The following DCBLD1 variants were observed in gnomAD, a reference collection of about 807,000 sequenced individuals.
The protein encoded by DCBLD1 is discoidin, CUB and LCCL domain-containing protein 1.
DCBLD1 carries 57 observed loss-of-function variants against 71.5 expected under a neutral mutation model. The ratio of observed to expected loss-of-function variants is 0.80; its 90% CI spans 0.64 to 0.99. The LOEUF (loss-of-function observed/expected upper bound fraction) is 0.99, where lower values mean the gene tolerates loss of function less well. DCBLD1 is among the 50% of genes least tolerant of loss of function. The pLI is 0.00. For synonymous variants in DCBLD1, 380 were observed against 363.8 expected, an observed-to-expected ratio of 1.04 and a Z score of -0.51; for missense variants, 891 against 923.5, an observed-to-expected ratio of 0.96 and a Z score of 0.46.
At chr6:117,563,384 C>G in intron 14 of DCBLD1, 1 of 1,612,062 alleles carries the variant, frequency 6.2e-7, no homozygotes, top group Non-Finnish European at 8.5e-7. Context: ...CTTATTAAAT[C>G]CTGAAAGAAA....
chr6:117,547,781 G>C (rs1779318150), intron 14 of DCBLD1, 126 bp from the exon 15 acceptor site: 1 of 1,540,916 alleles, frequency 6.5e-7, no homozygotes, highest in South Asian at 1.2e-5. Flanking sequence ...CGCAGTGCCT[G>C]GGACACCTGA....
At chr6:117,560,150 A>G (rs528659076) in intron 14 of DCBLD1, 41 of 157,308 alleles carry the variant, frequency 2.6e-4, no homozygotes, top group Middle Eastern at 3.0e-3. Flanking sequence ...TGTTTTCCTC[A>G]TAGATAACAA....
At position 117,557,624 on chromosome 6, in the gene DCBLD1, C is replaced by T. The variant is rs186777451; in HGVS notation, c.1616-11996C>T. Among the ~76,000 whole-genome samples the T allele has an allele frequency of 5.9e-4, 89 of 152,032 alleles. 1 individual carries two copies. In the South Asian group the frequency reaches 9.1e-3, roughly 16 times the overall value. The stretch of plus-strand genomic sequence containing the variant: ...ACTAAAAATACAAAAATTAGCCAGG[C>T]GTGGTGGCACGCACCTGTAATCCCA... On this transcript the variant is annotated intron_variant, in intron 14 of 14. Coordinates refer to the DCBLD1 transcript ENST00000296955.
intron 14 of DCBLD1, among the ~76,000 whole-genome samples, chr6:117,567,996 G>C (rs1303743767): frequency 2.9e-5 from 4 of 137,576 alleles, no homozygotes; most frequent in Non-Finnish European, 3.0e-5. Flanking sequence ...TTCTAGACCA[G>C]CCTGGGCAAC....
At chr6:117,516,418 T>C (rs776905313) in intron 2 of DCBLD1, among the ~76,000 whole-genome samples, 4 of 152,092 alleles carry the variant, frequency 2.6e-5, no homozygotes, top group Admixed American at 2.0e-4. Flanking sequence ...TGAGTGTTTC[T>C]AAAGAGGGAA....
At chr6:117,490,664 T>C (rs1777260303) in intron 1 of DCBLD1, among the ~76,000 whole-genome samples, 2 of 150,648 alleles carry the variant, frequency 1.3e-5, no homozygotes, top group African/African-American at 5.0e-5. Context: ...TCAGGCTTGT[T>C]CATTATTAGA....
chr6:117,504,273 A>G (rs942704970), intron 2 of DCBLD1, among the ~76,000 whole-genome samples: 1 of 152,224 alleles, frequency 6.6e-6, no homozygotes, highest in Non-Finnish European at 1.5e-5. Flanking sequence ...TATACAGTTC[A>G]TTATTCATTT....
intron 6 of DCBLD1, 136 bp downstream of exon 6, chr6:117,532,529 C>G (rs1778759827): frequency 1.8e-6 from 2 of 1,118,946 alleles, no homozygotes; most frequent in Non-Finnish European, 2.5e-6. Flanking sequence ...TGCATGAGTG[C>G]TTAGAGCAGC....
chr6:117,530,743 T>A lies in DCBLD1; in HGVS notation c.586-1517T>A, dbSNP rs1778689503. 3.3e-5 allele frequency among the ~76,000 whole-genome samples: 5 copies of A among 152,232 alleles called. No individual in the cohort carries two copies. In the South Asian group the frequency reaches 1.0e-3, roughly 32 times the overall value. Reference sequence around the variant, plus strand: ...TTTCCTCTTCAACTGGCTCCTCTGTTTTGTTTGGACCCAGGAGTCCAAACT... The same window carrying A: ...TTTCCTCTTCAACTGGCTCCTCTGTATTGTTTGGACCCAGGAGTCCAAACT... On this transcript the variant is annotated intron_variant, in intron 5 of 14. Coordinates refer to ENST00000338728, the MANE Select transcript of DCBLD1 (RefSeq NM_001366458.2).
At chr6:117,550,612 G>C (rs1176874527), downstream of DCBLD1, among the ~76,000 whole-genome samples, 1 of 152,174 alleles carries the variant, frequency 6.6e-6, no homozygotes, top group Non-Finnish European at 1.5e-5. Flanking sequence ...AACGTTTACA[G>C]TCAGCCTAGA....
intron 2 of DCBLD1, among the ~76,000 whole-genome samples, chr6:117,512,879 A>T (rs1433616507): frequency 6.7e-6 from 1 of 149,514 alleles, no homozygotes; most frequent in Non-Finnish European, 1.5e-5. Context: ...TATGGTAGTT[A>T]AAAAAAAAAT....
chr6:117,565,074 T>C lies in DCBLD1; in HGVS notation c.1616-4546T>C, dbSNP rs1377590299. 2.0e-5 allele frequency among the ~76,000 whole-genome samples: 3 copies of C among 151,714 alleles called. No individual in the cohort carries two copies. The East Asian group carries it at 5.8e-4, about 29-fold the overall frequency. ...TATTAGTAGGTAAAATTGAAAAATCTAAAAAAAAATTCATTTCTTTGTTAA... is the reference window on the plus strand; with the variant it reads ...TATTAGTAGGTAAAATTGAAAAATCCAAAAAAAAATTCATTTCTTTGTTAA... On this transcript the variant is annotated intron_variant, in intron 14 of 14. Transcript: ENST00000296955.
intron 4 of DCBLD1, 63 bp downstream of exon 4, chr6:117,521,639 C>T (rs999857602): frequency 1.2e-5 from 17 of 1,371,070 alleles, no homozygotes; most frequent in South Asian, 6.6e-5. Flanking sequence ...TTTTCTTTCA[C>T]GTTAAACCAG....
At chr6:117,493,894 A>G (rs193300506) in intron 1 of DCBLD1, among the ~76,000 whole-genome samples, 4 of 152,306 alleles carry the variant, frequency 2.6e-5, no homozygotes, top group Admixed American at 2.6e-4. Flanking sequence ...GAGATGTCCT[A>G]TCTTATAAGC....
chr6:117,499,679 A>C (rs1490734864), intron 1 of DCBLD1, among the ~76,000 whole-genome samples: 1 of 152,304 alleles, frequency 6.6e-6, no homozygotes, highest in East Asian at 1.9e-4. Flanking sequence ...ACAATACCAT[A>C]TCACAACCAG....
At chr6:117,498,689 A>G (rs1249919491) in intron 1 of DCBLD1, among the ~76,000 whole-genome samples, 1 of 152,156 alleles carries the variant, frequency 6.6e-6, no homozygotes, top group Non-Finnish European at 1.5e-5. Flanking sequence ...ATCCATCTAT[A>G]GCAACCATCA....
At chr6:117,539,407 A>C (rs752649663) in intron 9 of DCBLD1, 28 bp downstream of exon 9, 64 of 1,583,314 alleles carry the variant, frequency 4.0e-5, no homozygotes, top group Non-Finnish European at 5.3e-5. Flanking sequence ...AGGCAAGAGA[A>C]CTGAGTAGGA....
intron 14 of DCBLD1, chr6:117,561,421 G>A: frequency 4.5e-6 from 1 of 223,818 alleles, no homozygotes; most frequent in Non-Finnish European, 8.9e-6. Flanking sequence ...AAGAAGATAA[G>A]AATAACATGG....
chr6:117,547,894 C>T lies in DCBLD1; in HGVS notation c.1616-13C>T. On this transcript the variant is annotated splice_polypyrimidine_tract_variant and intron_variant, in intron 14 of 14. Coordinates refer to ENST00000338728, the MANE Select transcript of DCBLD1 (RefSeq NM_001366458.2). Reference sequence around the variant, plus strand: ...GTGGTGCCCGCTAGCTGCCATCTGTCTTGTGGTTTCAGATTACCAGCAGCC... The same window carrying T: ...GTGGTGCCCGCTAGCTGCCATCTGTTTTGTGGTTTCAGATTACCAGCAGCC... The T allele has an allele frequency of 6.4e-7, 1 of 1,550,476 alleles. No homozygotes were observed. The highest frequency in any genetic ancestry group is 8.7e-7 in the Non-Finnish European group (1 of 1,146,920).
Sources: gnomAD v4.1 joint callset for allele counts (sites outside exome capture counted in the v4.1 genomes callset) on GRCh38, gnomAD v4.1.1 for gene constraint, MANE v1.5 for transcripts, NCBI Gene and HGNC (gene_info 2026-07-23, HGNC 2026-07-21) for gene names.